The following MCTP1 variants were observed in gnomAD, a reference collection of about 807,000 sequenced individuals.
MCTP1 encodes the protein multiple C2 and transmembrane domain containing 1.
A neutral mutation model predicts 120.6 loss-of-function variants in MCTP1; 69 were observed. The observed-to-expected ratio is 0.57, with a 90% CI of 0.47 to 0.70. The LOEUF (loss-of-function observed/expected upper bound fraction) is 0.70, where lower values mean the gene tolerates loss of function less well. Among genes scored for constraint, MCTP1 ranks in the 30% least tolerant of loss-of-function variants. The pLI, the probability that MCTP1 is intolerant of heterozygous loss-of-function variation, is 0.00. For synonymous variants in MCTP1, 529 were observed against 493.1 expected, an observed-to-expected ratio of 1.07 and a Z score of -0.96; for missense variants, 1,203 against 1,248.8, an observed-to-expected ratio of 0.96 and a Z score of 0.55.
At chr5:95,085,446 T>TCTTA (rs1755358220) in intron 1 of MCTP1, among the ~76,000 whole-genome samples, 6 of 149,616 alleles carry the variant, frequency 4.0e-5, no homozygotes, top group South Asian at 4.2e-4. Flanking sequence ...AAGATTTACA[T>TCTTA]GTGGTTCTGC....
At chr5:95,046,120 A>G (rs1453095936) in intron 1 of MCTP1, among the ~76,000 whole-genome samples, 1 of 152,196 alleles carries the variant, frequency 6.6e-6, no homozygotes, top group Non-Finnish European at 1.5e-5. Context: ...TTGTGAGCCG[A>G]TGAACTCTGA....
intron 1 of MCTP1, among the ~76,000 whole-genome samples, chr5:95,103,746 C>T (rs992449338): frequency 1.3e-5 from 2 of 152,160 alleles, no homozygotes; most frequent in Non-Finnish European, 2.9e-5. Context: ...AATCCAGGTG[C>T]TCTCAAACAG....
intron 17 of MCTP1, among the ~76,000 whole-genome samples, chr5:94,863,331 C>T (rs1796169886): frequency 1.3e-5 from 2 of 151,450 alleles, no homozygotes; most frequent in Non-Finnish European, 3.0e-5. Context: ...TCTGCTAGCG[C>T]TAAAAAAAAA....
intron 2 of MCTP1, among the ~76,000 whole-genome samples, chr5:95,001,620 G>A (rs1463354935): frequency 6.6e-6 from 1 of 152,226 alleles, no homozygotes; most frequent in Non-Finnish European, 1.5e-5. Context: ...GAGACTGGCA[G>A]CATTTTGCCC....
At chr5:95,201,273 A>ATATC (rs1477639088) in intron 1 of MCTP1, among the ~76,000 whole-genome samples, 2 of 152,170 alleles carry the variant, frequency 1.3e-5, no homozygotes, top group Non-Finnish European at 2.9e-5. Flanking sequence ...GCAGTCTCAG[A>ATATC]TAACACTCAA....
chr5:94,940,286 G>A lies in MCTP1; in HGVS notation c.1062-91C>T, dbSNP rs191374140. 10 of 710,388 alleles carry A rather than the reference G, an allele frequency of 1.4e-5. No individual in the cohort carries two copies. In the Admixed American group the frequency reaches 2.5e-4, roughly 17 times the overall value. The allele number at this position is 710,388 out of a possible 1,614,324, so 44.0% of individuals were successfully genotyped here. ...ATGCTTTATTATTTTAAGATAAAAA[G>A]TAATTTTGTCTTCCTTTACTTTCTT... is the stretch of plus-strand genomic sequence containing the variant. On this transcript the variant is annotated intron_variant, in intron 4 of 22. Transcript: ENST00000515393.
intron 2 of MCTP1, among the ~76,000 whole-genome samples, chr5:94,990,919 A>G (rs1375946187): frequency 6.6e-6 from 1 of 152,148 alleles, no homozygotes; most frequent in African/African-American, 2.4e-5. Context: ...GAGAATTCCC[A>G]TATCACTTTT....
chr5:94,755,707 T>C (rs1769644867), intron 19 of MCTP1, among the ~76,000 whole-genome samples: 1 of 152,224 alleles, frequency 6.6e-6, no homozygotes, highest in Non-Finnish European at 1.5e-5. Flanking sequence ...TGTTCTGTTT[T>C]TCATCCTCCC....
At chr5:95,059,536 C>T (rs1748357311) in intron 1 of MCTP1, among the ~76,000 whole-genome samples, 1 of 151,794 alleles carries the variant, frequency 6.6e-6, no homozygotes, top group African/African-American at 2.4e-5. Context: ...AAGTAATAAA[C>T]CTGCACATGC....
At chr5:95,154,735 A>G (rs937084515) in intron 1 of MCTP1, among the ~76,000 whole-genome samples, 2 of 152,178 alleles carry the variant, frequency 1.3e-5, no homozygotes, top group Non-Finnish European at 2.9e-5. Flanking sequence ...AAGAAAGCCA[A>G]TAAAACTAGA....
intron 2 of MCTP1, among the ~76,000 whole-genome samples, chr5:94,988,171 T>C (rs893723587): frequency 2.6e-5 from 4 of 152,184 alleles, no homozygotes; most frequent in Admixed American, 2.6e-4. Context: ...TATAAATTGA[T>C]TAAAGCAGTC....
chr5:94,967,348 C>T (rs1423906952), intron 2 of MCTP1, among the ~76,000 whole-genome samples: 2 of 152,136 alleles, frequency 1.3e-5, no homozygotes, highest in Non-Finnish European at 1.5e-5. Flanking sequence ...AGCTATCACA[C>T]ACCACGTAAC....
intron 19 of MCTP1, among the ~76,000 whole-genome samples, chr5:94,749,688 A>T (rs958156538): frequency 7.5e-5 from 9 of 120,756 alleles, no homozygotes; most frequent in Non-Finnish European, 1.7e-5. Context: ...AAAAAAAAAT[A>T]TCAAGGCAGT....
At position 95,095,005 on chromosome 5, in the gene MCTP1, G is replaced by GTTTTTTTTTT. The variant is rs1562138448; in HGVS notation, c.721-77522_721-77521insAAAAAAAAAA. On this transcript the variant is annotated intron_variant, in intron 1 of 22. Transcript: ENST00000515393. Reference sequence around the variant, plus strand: ...ATTTTTTCTTTTATTTGTTATGTTAGATTTTTTTTTTTTTTTTTTTTTTTT... The same window carrying GTTTTTTTTTT: ...ATTTTTTCTTTTATTTGTTATGTTAGTTTTTTTTTTATTTTTTTTTTTTTTTTTTTTTTTT... Among the ~76,000 whole-genome samples, 17 of 79,552 alleles carry GTTTTTTTTTT rather than the reference G, an allele frequency of 2.1e-4. 1 individual carries two copies. Among genetic ancestry groups the GTTTTTTTTTT allele is most frequent in the African/African-American group, 8.5e-4 (17 of 19,904 alleles). 52.2% of individuals were successfully genotyped at this position (79,552 alleles called of 152,430 possible).
At chr5:95,101,190 A>G (rs1170834879) in intron 1 of MCTP1, among the ~76,000 whole-genome samples, 1 of 152,228 alleles carries the variant, frequency 6.6e-6, no homozygotes, top group Non-Finnish European at 1.5e-5. Flanking sequence ...AATTTCAGCT[A>G]GTAAGCACAG....
intron 1 of MCTP1, among the ~76,000 whole-genome samples, chr5:95,245,962 T>A (rs764037182): frequency 1.3e-5 from 2 of 152,176 alleles, no homozygotes; most frequent in Admixed American, 6.5e-5. Context: ...GGGAAGCCCA[T>A]CAGACTAACA....
intron 1 of MCTP1, among the ~76,000 whole-genome samples, chr5:95,027,544 A>G (rs1839484158): frequency 6.6e-6 from 1 of 152,222 alleles, no homozygotes; most frequent in Admixed American, 6.5e-5. Context: ...TATAATTAGC[A>G]GAAGTATGGG....
At chr5:95,010,476 A>G (rs1157803966) in intron 2 of MCTP1, among the ~76,000 whole-genome samples, 1 of 152,190 alleles carries the variant, frequency 6.6e-6, no homozygotes, top group Middle Eastern at 3.2e-3. Flanking sequence ...AATACTATCT[A>G]TCTAATCGAA....
chr5:95,093,655 C>T (rs556889715), intron 1 of MCTP1, among the ~76,000 whole-genome samples: 57 of 152,250 alleles, frequency 3.7e-4, no homozygotes, highest in African/African-American at 1.1e-3. Flanking sequence ...CATGGTAATT[C>T]ACAAAAGATT....
Sources: allele counts gnomAD v4.1 joint callset (sites outside exome capture counted in the v4.1 genomes callset), GRCh38; gene constraint gnomAD v4.1.1; transcripts MANE v1.5; gene names NCBI Gene and HGNC (gene_info 2026-07-23, HGNC 2026-07-21).